The following BTBD9 variants were observed in gnomAD, a reference collection of about 807,000 sequenced individuals.
The protein encoded by BTBD9 is BTB/POZ domain-containing protein 9.
Under a neutral mutation model 64.3 loss-of-function variants are expected in BTBD9, and 49 were observed. The ratio of observed to expected loss-of-function variants is 0.76; its 90% confidence interval spans 0.61 to 0.97. The LOEUF is 0.97. BTBD9 is among the 50% of genes least tolerant of loss of function. BTBD9 has a pLI of 0.00. For missense variants in BTBD9, 598 were observed against 762.1 expected, an observed-to-expected ratio of 0.78 and a Z score of 2.53; for synonymous variants, 260 against 274.7, an observed-to-expected ratio of 0.95 and a Z score of 0.53.
At chr6:38,190,467 TAAAAAAAAAAAAA>T (rs70981527) in intron 10 of BTBD9, among the ~76,000 whole-genome samples, 24 of 77,510 alleles carry the variant, frequency 3.1e-4, no homozygotes, top group East Asian at 2.0e-3. Flanking sequence ...AAACTCTGTC[TAAAAAAAAAAAAA>T]AAAAAAAAAA....
intron 6 of BTBD9, among the ~76,000 whole-genome samples, chr6:38,464,370 C>G (rs566112511): frequency 6.8e-6 from 1 of 147,508 alleles, no homozygotes; most frequent in African/African-American, 2.4e-5. Context: ...GTTAAACCAG[C>G]CTTGCATTCA....
chr6:38,546,912 C>T (rs924347758), intron 6 of BTBD9, among the ~76,000 whole-genome samples: 4 of 152,190 alleles, frequency 2.6e-5, no homozygotes, highest in African/African-American at 7.2e-5. Context: ...AGGCGATCCA[C>T]CCACCTCAGC....
intron 6 of BTBD9, among the ~76,000 whole-genome samples, chr6:38,513,474 G>A (rs909588575): frequency 1.3e-5 from 2 of 151,002 alleles, no homozygotes; most frequent in Non-Finnish European, 3.0e-5. Context: ...AGAAAAAGAA[G>A]TGCTCCACCT....
intron 8 of BTBD9, among the ~76,000 whole-genome samples, chr6:38,267,311 C>T (rs1319395387): frequency 2.0e-5 from 3 of 152,114 alleles, no homozygotes; most frequent in African/African-American, 4.8e-5. Flanking sequence ...ATTAGGAGGG[C>T]GATAAGAACA....
chr6:38,614,674 A>C (rs1228259889), intron 1 of BTBD9, among the ~76,000 whole-genome samples: 1 of 152,136 alleles, frequency 6.6e-6, no homozygotes, highest in Non-Finnish European at 1.5e-5. Context: ...ACCTCAACCT[A>C]ATCCATCAGC....
At chr6:38,420,625 AG>A (rs1232531094) in intron 6 of BTBD9, among the ~76,000 whole-genome samples, 1 of 152,138 alleles carries the variant, frequency 6.6e-6, no homozygotes, top group Non-Finnish European at 1.5e-5. Context: ...TGGGAAGCTG[AG>A]GCAGGGGGAT....
At chr6:38,632,867 G>A (rs1778408897) in intron 1 of BTBD9, among the ~76,000 whole-genome samples, 1 of 152,098 alleles carries the variant, frequency 6.6e-6, no homozygotes, top group Non-Finnish European at 1.5e-5. Context: ...AGGAGGTCGA[G>A]GTTATAGTGA....
intron 1 of BTBD9, among the ~76,000 whole-genome samples, chr6:38,638,284 T>C (rs567913942): frequency 1.6e-4 from 24 of 152,284 alleles, no homozygotes; most frequent in South Asian, 8.3e-4. Flanking sequence ...GCTAGACTAC[T>C]GCTCTCAAAG....
At chr6:38,212,306 C>T (rs1032558991) in intron 9 of BTBD9, among the ~76,000 whole-genome samples, 2 of 152,134 alleles carry the variant, frequency 1.3e-5, no homozygotes, top group African/African-American at 2.4e-5. Context: ...TGCTGAGGGG[C>T]CTGCCTGGGG....
At chr6:38,428,020 G>C (rs1018549684) in intron 6 of BTBD9, among the ~76,000 whole-genome samples, 3 of 151,820 alleles carry the variant, frequency 2.0e-5, no homozygotes, top group Non-Finnish European at 4.4e-5. Context: ...TTCTATATTT[G>C]CATAAAAAGA....
intron 9 of BTBD9, among the ~76,000 whole-genome samples, chr6:38,196,506 C>A (rs1280073786): frequency 1.3e-5 from 2 of 152,198 alleles, no homozygotes; most frequent in Non-Finnish European, 2.9e-5. Context: ...CACAGAGGTT[C>A]TTGGGACACC....
intron 6 of BTBD9, among the ~76,000 whole-genome samples, chr6:38,558,139 C>G (rs1582631281): frequency 6.6e-6 from 1 of 152,142 alleles, no homozygotes; most frequent in East Asian, 1.9e-4. Context: ...TGGTATGTGC[C>G]TGCAGTCCTA....
chr6:38,265,327 A>G (rs1764933900), intron 8 of BTBD9, among the ~76,000 whole-genome samples: 1 of 152,062 alleles, frequency 6.6e-6, no homozygotes, highest in African/African-American at 2.4e-5. Context: ...GATATAGTAT[A>G]ATTATTTATT....
At chr6:38,574,163 G>A (rs879245838) in intron 6 of BTBD9, among the ~76,000 whole-genome samples, 2 of 152,110 alleles carry the variant, frequency 1.3e-5, no homozygotes, top group East Asian at 1.9e-4. Context: ...AAGGCAAAGC[G>A]AACCATTGCT....
At chr6:38,226,013 C>T (rs931817845) in intron 9 of BTBD9, among the ~76,000 whole-genome samples, 1 of 152,224 alleles carries the variant, frequency 6.6e-6, no homozygotes, top group Non-Finnish European at 1.5e-5. Context: ...TCTCTACTTT[C>T]CAGGGTTCCC....
intron 1 of BTBD9, among the ~76,000 whole-genome samples, chr6:38,627,115 ACTAT>A (rs1253389416): frequency 1.3e-5 from 2 of 152,358 alleles, no homozygotes; most frequent in African/African-American, 4.8e-5. Context: ...CAGCAAATGA[ACTAT>A]CTGAGAGAAC....
At chr6:38,531,742 T>G (rs1050027035) in intron 6 of BTBD9, among the ~76,000 whole-genome samples, 1 of 152,198 alleles carries the variant, frequency 6.6e-6, no homozygotes, top group African/African-American at 2.4e-5. Context: ...TTCTCTATGT[T>G]TGTGTATTAG....
At chr6:38,600,596 C>T (rs1408652551) in intron 1 of BTBD9, among the ~76,000 whole-genome samples, 1 of 152,084 alleles carries the variant, frequency 6.6e-6, no homozygotes, top group Non-Finnish European at 1.5e-5. Context: ...AAACAAAACG[C>T]TCTTCCTGGC....
chr6:38,486,828 C>A (rs1771454424), intron 6 of BTBD9, among the ~76,000 whole-genome samples: 1 of 152,186 alleles, frequency 6.6e-6, no homozygotes, highest in Admixed American at 6.5e-5. Flanking sequence ...GTTGCCATAA[C>A]CTTCAGTTGG....
Sources: allele counts gnomAD v4.1 joint callset (sites outside exome capture counted in the v4.1 genomes callset), GRCh38; gene constraint gnomAD v4.1.1; transcripts MANE v1.5; gene names NCBI Gene and HGNC (gene_info 2026-07-23, HGNC 2026-07-21).